The following CPVL variants were observed in gnomAD, a reference collection of about 807,000 sequenced individuals.
CPVL encodes probable serine carboxypeptidase CPVL.
A neutral mutation model predicts 63.7 loss-of-function variants in CPVL; 51 were observed. The ratio of observed to expected loss-of-function variants is 0.80; its 90% CI spans 0.64 to 1.01. The LOEUF (loss-of-function observed/expected upper bound fraction) is 1.01. Among genes scored for constraint, CPVL ranks in the 50% least tolerant of loss-of-function variants. The pLI, the probability that CPVL is intolerant of heterozygous loss-of-function variation, is 0.00. For synonymous variants in CPVL, 195 were observed against 206.0 expected (o/e 0.95, Z 0.46); for missense variants, 530 against 573.1 (o/e 0.92, Z 0.77).
intron 3 of CPVL, among the ~76,000 whole-genome samples, chr7:29,101,467 C>G (rs917462540): frequency 6.6e-6 from 1 of 151,940 alleles, no homozygotes; most frequent in South Asian, 2.1e-4. Flanking sequence ...TGGTGGCGGG[C>G]GCCTGTAGTC....
At chr7:29,121,578 G>T (rs565687119) in intron 1 of CPVL, among the ~76,000 whole-genome samples, 9 of 152,166 alleles carry the variant, frequency 5.9e-5, no homozygotes, top group Non-Finnish European at 1.3e-4. Flanking sequence ...CACCACAGAA[G>T]GGCAGAGGAT....
chr7:29,100,918 T>C (rs889683614), intron 3 of CPVL, among the ~76,000 whole-genome samples: 1 of 152,196 alleles, frequency 6.6e-6, no homozygotes, highest in African/African-American at 2.4e-5. Context: ...AATAAAAGTA[T>C]ATGTGTTCAA....
chr7:29,056,288 T>C (rs1056442368), intron 11 of CPVL, among the ~76,000 whole-genome samples: 26 of 152,206 alleles, frequency 1.7e-4, no homozygotes, highest in African/African-American at 6.0e-4. Flanking sequence ...GTATCCACCA[T>C]TGAAGTATCA....
chr7:29,172,753 C>T (rs1796766108), intron 5 of CPVL, among the ~76,000 whole-genome samples: 1 of 151,986 alleles, frequency 6.6e-6, no homozygotes, highest in Non-Finnish European at 1.5e-5. Flanking sequence ...GAAGTAAAAC[C>T]TTAACATTTT....
chr7:29,123,900 G>A (rs1317887430), intron 1 of CPVL, among the ~76,000 whole-genome samples: 1 of 151,774 alleles, frequency 6.6e-6, no homozygotes, highest in East Asian at 1.9e-4. Context: ...GGTAAAACTG[G>A]TCCTGTTTTA....
intron 1 of CPVL, among the ~76,000 whole-genome samples, chr7:29,123,842 T>C (rs1414491615): frequency 6.6e-6 from 1 of 151,274 alleles, no homozygotes; most frequent in Non-Finnish European, 1.5e-5. Flanking sequence ...GTTACAGCAC[T>C]TCCCTTGTAA....
chr7:29,022,659 G>A (rs1325445907), intron 12 of CPVL, among the ~76,000 whole-genome samples: 1 of 152,166 alleles, frequency 6.6e-6, no homozygotes, highest in Non-Finnish European at 1.5e-5. Flanking sequence ...GCCTGTGCAT[G>A]TTGTCTGGGG....
intron 2 of CPVL, among the ~76,000 whole-genome samples, chr7:29,119,183 G>C (rs146886361): frequency 2.0e-5 from 3 of 152,300 alleles, no homozygotes; most frequent in Non-Finnish European, 2.9e-5. Flanking sequence ...TAAGCGCAAA[G>C]AAGCATTAAG....
chr7:29,115,817 G>C (rs925247669), intron 2 of CPVL, among the ~76,000 whole-genome samples: 1 of 151,824 alleles, frequency 6.6e-6, no homozygotes, highest in African/African-American at 2.4e-5. Context: ...TGGAGGGAAT[G>C]GAACAGAGGA....
intron 1 of CPVL, among the ~76,000 whole-genome samples, chr7:29,130,271 ACAC>A (rs1313092298): frequency 6.6e-6 from 1 of 152,208 alleles, no homozygotes. Context: ...TGACTGGCCA[ACAC>A]TAAGCTGGAA....
chr7:29,090,239 C>A (rs1243630676), intron 6 of CPVL, among the ~76,000 whole-genome samples: 2 of 126,888 alleles, frequency 1.6e-5, no homozygotes, highest in Non-Finnish European at 3.8e-5. Context: ...CTGCCTTGCA[C>A]TGGACCGATA....
chr7:29,172,002 G>A (rs1796667035), intron 5 of CPVL, among the ~76,000 whole-genome samples: 1 of 152,136 alleles, frequency 6.6e-6, no homozygotes, highest in Admixed American at 6.5e-5. Context: ...TGCAGTGGGT[G>A]GTACACAGGA....
At chr7:29,019,587 G>A (rs1488227461) in intron 12 of CPVL, among the ~76,000 whole-genome samples, 1 of 152,234 alleles carries the variant, frequency 6.6e-6, no homozygotes, top group Non-Finnish European at 1.5e-5. Flanking sequence ...ATTAAGAGCT[G>A]TAGTGTTTGG....
intron 11 of CPVL, among the ~76,000 whole-genome samples, chr7:29,034,903 T>G (rs756012684): frequency 1.3e-5 from 2 of 151,452 alleles, no homozygotes; most frequent in Non-Finnish European, 2.9e-5. Context: ...ATACCTCAGT[T>G]TGGCAAAAGA....
intron 7 of CPVL, among the ~76,000 whole-genome samples, chr7:29,075,465 C>T (rs60789410): frequency 0.13 from 18,443 of 144,702 alleles, 1,250 homozygotes; most frequent in Middle Eastern, 0.17. Context: ...TCCCCTTTGT[C>T]ATATCTAATT....
At chr7:29,069,270 T>C (rs941092939) in intron 9 of CPVL, among the ~76,000 whole-genome samples, 5 of 151,336 alleles carry the variant, frequency 3.3e-5, no homozygotes, top group Non-Finnish European at 7.4e-5. Context: ...TGAAAACCCG[T>C]CTCTACTAAA....
chr7:29,066,188 C>A, intron 9 of CPVL, 67 bp from the exon 10 acceptor site: 1 of 828,530 alleles, frequency 1.2e-6, no homozygotes. Context: ...AATGTACAGA[C>A]ATTTGTCATT....
At chr7:29,160,927 T>C (rs1795089640) in intron 5 of CPVL, among the ~76,000 whole-genome samples, 1 of 152,220 alleles carries the variant, frequency 6.6e-6, no homozygotes, top group South Asian at 2.1e-4. Context: ...TTTATAAATA[T>C]CTGTCACCCC....
At chr7:29,072,709 T>C (rs1178381115) in intron 7 of CPVL, among the ~76,000 whole-genome samples, 1 of 152,116 alleles carries the variant, frequency 6.6e-6, no homozygotes, top group African/African-American at 2.4e-5. Flanking sequence ...ATAAAATAAC[T>C]TGGGAGAACA....
Sources: allele counts gnomAD v4.1 joint callset (sites outside exome capture counted in the v4.1 genomes callset), GRCh38; gene constraint gnomAD v4.1.1; transcripts MANE v1.5; gene names NCBI Gene and HGNC (gene_info 2026-07-23, HGNC 2026-07-21).